The following DNMT3B variants were observed in gnomAD, a reference collection of about 807,000 sequenced individuals.
The protein encoded by DNMT3B is DNA (cytosine-5)-methyltransferase 3B.
DNMT3B carries 37 observed loss-of-function variants against 120.2 expected under a neutral mutation model. The observed-to-expected ratio is 0.31, with a 90% confidence interval of 0.24 to 0.40. The LOEUF (loss-of-function observed/expected upper bound fraction) is 0.40, where lower values mean the gene tolerates loss of function less well. Ranked by LOEUF, DNMT3B falls within the 10% of genes least tolerant of loss-of-function variation. The pLI is 1.00. For synonymous variants in DNMT3B, 412 were observed against 442.8 expected (o/e 0.93, Z 0.87); for missense variants, 878 against 1,137.3 (o/e 0.77, Z 3.28).
chr20:32,793,676 GA>G (rs1309131525), intron 10 of DNMT3B, 81 bp downstream of exon 10: 8 of 1,511,554 alleles, frequency 5.3e-6, no homozygotes, highest in African/African-American at 1.4e-5. Context: ...ATGGTCACTG[GA>G]AAAGAATCAA....
At chr20:32,777,828 G>C (rs998886324) in intron 1 of DNMT3B, among the ~76,000 whole-genome samples, 2 of 152,212 alleles carry the variant, frequency 1.3e-5, no homozygotes, top group East Asian at 3.9e-4. Context: ...GGGAGAAAAA[G>C]GGCTGAGAAG....
Position 32,799,224 on chromosome 20 carries a change from C to T in DNMT3B, c.1675-20C>T. 1 of 1,605,866 alleles carries T rather than the reference C, an allele frequency of 6.2e-7. No individual in the cohort carries two copies. Among genetic ancestry groups the T allele is most frequent in the African/African-American group, 1.3e-5 (1 of 74,994 alleles). On this transcript the variant is annotated intron_variant, in intron 15 of 22. Transcript: ENST00000328111. ...TTGCCCTGTGCCTTCACCACCATGA[C>T]CTCCTTCCTTACCTGGCAGGAAGCC...
chr20:32,771,750 A>G (rs1987760263), intron 1 of DNMT3B, among the ~76,000 whole-genome samples: 1 of 152,088 alleles, frequency 6.6e-6, no homozygotes, highest in African/African-American at 2.4e-5. Flanking sequence ...GGATGTATTC[A>G]TAGGTGTCTG....
Position 32,780,545 on chromosome 20 carries a change from G to C in DNMT3B, c.142+80G>C, listed in dbSNP as rs539966301. The C allele has an allele frequency of 9.7e-5, 152 of 1,563,622 alleles. 1 individual carries two copies. The East Asian group carries it at 3.3e-3, about 34-fold the overall frequency. On this transcript the variant is annotated intron_variant, in intron 2 of 22. Coordinates refer to ENST00000328111, the MANE Select transcript of DNMT3B (RefSeq NM_006892.4). Reference sequence around the variant, plus strand: ...ACTGCAGACAACTGGAGGCTTTGGGGAGAGTCTCTGACAACCTCCACCACA... The same window carrying C: ...ACTGCAGACAACTGGAGGCTTTGGGCAGAGTCTCTGACAACCTCCACCACA...
rs191365747 is a variant in DNMT3B at position 32,795,351 on chromosome 20, C to G, written c.1127-58C>G. ...GCATAGCATGGTCTTGTCCTGGGCCCGCATTCTCTCTGGACCCTCCTACCA... is the reference window on the plus strand; with the variant it reads ...GCATAGCATGGTCTTGTCCTGGGCCGGCATTCTCTCTGGACCCTCCTACCA... On this transcript the variant is annotated intron_variant, in intron 10 of 22. Coordinates refer to ENST00000328111, the MANE Select transcript of DNMT3B (RefSeq NM_006892.4). 6 of 1,611,980 alleles carry G rather than the reference C, an allele frequency of 3.7e-6. No homozygotes were observed. In the East Asian group the frequency reaches 1.1e-4, roughly 30 times the overall value.
rs374341176 is a variant in DNMT3B, at chr20:32,797,033, A to G, written c.1378-154A>G. 4.9e-5 allele frequency: 79 copies of G among 1,608,528 alleles called. 1 individual carries two copies. Among genetic ancestry groups the G allele is most frequent in the African/African-American group, 3.1e-4 (23 of 75,032 alleles). ...TGGGGGACAGCTGTCACAGAGGCCAATGGCACGCAGGTCACAGCCAGTTGT... is the reference window on the plus strand; with the variant it reads ...TGGGGGACAGCTGTCACAGAGGCCAGTGGCACGCAGGTCACAGCCAGTTGT... On this transcript the variant is annotated intron_variant, in intron 13 of 22. Coordinates refer to ENST00000328111, the MANE Select transcript of DNMT3B (RefSeq NM_006892.4).
intron 1 of DNMT3B, among the ~76,000 whole-genome samples, chr20:32,768,867 G>A (rs1406939536): frequency 4.6e-5 from 7 of 152,098 alleles, no homozygotes; most frequent in East Asian, 1.9e-4. Flanking sequence ...GCCCTACCCC[G>A]ACAATGGCAC....
rs769778306 is a variant in DNMT3B at position 32,802,346 on chromosome 20, A to G, written c.2146-39A>G. ...AGGTCTGGTTGACACTGAAACTCTA[A>G]TAATAGGCTCCTAACAGTAACCTTC... On this transcript the variant is annotated intron_variant, in intron 19 of 22. Coordinates refer to ENST00000328111, the MANE Select transcript of DNMT3B (RefSeq NM_006892.4). 7 of 1,606,854 alleles carry G rather than the reference A, an allele frequency of 4.4e-6. No individual in the cohort carries two copies. In the African/African-American group the frequency reaches 8.0e-5, roughly 18 times the overall value.
intron 1 of DNMT3B, among the ~76,000 whole-genome samples, chr20:32,775,523 G>T (rs1395210405): frequency 1.3e-5 from 2 of 152,148 alleles, no homozygotes; most frequent in East Asian, 3.9e-4. Context: ...GTTCAGTCGG[G>T]GCACAGGCAC....
chr20:32,779,592 G>A (rs1458228811), intron 1 of DNMT3B, among the ~76,000 whole-genome samples: 1 of 152,226 alleles, frequency 6.6e-6, no homozygotes, highest in Non-Finnish European at 1.5e-5. Flanking sequence ...AGAGGTGAGG[G>A]TGAGGCTACA....
At chr20:32,779,003 G>A (rs1189363843) in intron 1 of DNMT3B, among the ~76,000 whole-genome samples, 1 of 152,170 alleles carries the variant, frequency 6.6e-6, no homozygotes, top group Admixed American at 6.5e-5. Flanking sequence ...AAACTGCGAG[G>A]CTAGCACGGG....
chr20:32,805,470 G>T (rs370682167), intron 21 of DNMT3B, 63 bp downstream of exon 21: 2 of 1,601,046 alleles, frequency 1.2e-6, no homozygotes, highest in Non-Finnish European at 1.7e-6. Context: ...GGACTTGGGA[G>T]ATGACCTTGG....
intron 5 of DNMT3B, 135 bp from the exon 6 acceptor site, chr20:32,787,091 GTTTC>G: frequency 1.1e-5 from 11 of 1,029,330 alleles, no homozygotes; most frequent in Non-Finnish European, 1.5e-5. Flanking sequence ...TCCTGGAAAA[GTTTC>G]TTCAGCGGTC....
chr20:32,799,092 T>C, intron 15 of DNMT3B, 152 bp from the exon 16 acceptor site: 1 of 812,440 alleles, frequency 1.2e-6, no homozygotes, highest in East Asian at 2.7e-5. Flanking sequence ...TACACACTTG[T>C]CTCCCCAATC....
chr20:32,809,239 G>A lies in DNMT3B; in HGVS notation c.*1336G>A, dbSNP rs532308734. The A allele has an allele frequency of 4.0e-4, 88 of 218,720 alleles. 1 individual carries two copies. The highest frequency in any genetic ancestry group is 7.0e-4 in the Non-Finnish European group (76 of 108,964). The allele number at this position is 218,720 out of a possible 1,614,324, so 13.5% of individuals were successfully genotyped here. A position where few individuals can be genotyped will look rare whatever the true frequency, so the allele number is the denominator to read the frequency against. ...TTTTTTTTGTAACTGGAGCCACGAC[G>A]TAACAAATATGGGGAAAAAACTGTG... On this transcript the variant is annotated 3_prime_UTR_variant, in exon 23 of 23. Transcript: ENST00000328111.
intron 1 of DNMT3B, among the ~76,000 whole-genome samples, chr20:32,777,938 C>A (rs1462944802): frequency 6.6e-6 from 1 of 152,206 alleles, no homozygotes; most frequent in Non-Finnish European, 1.5e-5. Flanking sequence ...GCACAGAAAG[C>A]CTATGTGTTA....
At chr20:32,792,576 C>T (rs375043948) in intron 8 of DNMT3B, 50 bp from the exon 9 acceptor site, 36 of 1,613,360 alleles carry the variant, frequency 2.2e-5, no homozygotes, top group Admixed American at 2.2e-4. Context: ...TGTGGCCTGG[C>T]GAGCACCTCC....
intron 18 of DNMT3B, 32 bp downstream of exon 18, chr20:32,800,957 G>A (rs774404282): frequency 6.8e-6 from 11 of 1,612,408 alleles, no homozygotes; most frequent in Admixed American, 6.7e-5. Context: ...AGTCCCTGGA[G>A]AGCCTATGTC....
intron 20 of DNMT3B, among the ~76,000 whole-genome samples, chr20:32,803,822 G>A (rs1167859667): frequency 6.6e-6 from 1 of 152,178 alleles, no homozygotes; most frequent in Non-Finnish European, 1.5e-5. Context: ...AGTAACTTGG[G>A]CCTTAATGTG....
Sources: allele counts gnomAD v4.1 joint callset (sites outside exome capture counted in the v4.1 genomes callset), GRCh38; gene constraint gnomAD v4.1.1; transcripts MANE v1.5; gene names NCBI Gene and HGNC (gene_info 2026-07-23, HGNC 2026-07-21).